DENND4C: variants seen among roughly 807,000 people sequenced by gnomAD.
DENND4C encodes DENN domain-containing protein 4C.
Under a neutral mutation model 203.0 loss-of-function variants are expected in DENND4C, and 108 were observed. The observed-to-expected ratio is 0.53, with a 90% CI of 0.46 to 0.62. The LOEUF is 0.62. Among genes scored for constraint, DENND4C ranks in the 20% least tolerant of loss-of-function variants. The probability of loss-of-function intolerance (pLI) is 0.00; values close to 1 mark genes in which losing one functional copy is unlikely to be tolerated. For missense variants in DENND4C, 2,481 were observed against 2,301.2 expected, an observed-to-expected ratio of 1.08 and a Z score of -1.60; for synonymous variants, 871 against 792.4, an observed-to-expected ratio of 1.10 and a Z score of -1.67.
At chr9:19,321,856 A>G (rs1385237753) in intron 12 of DENND4C, among the ~76,000 whole-genome samples, 3 of 149,628 alleles carry the variant, frequency 2.0e-5, no homozygotes, top group Admixed American at 6.7e-5. Flanking sequence ...AAAAAGAGAA[A>G]TAGCTAATAG....
intron 30 of DENND4C, among the ~76,000 whole-genome samples, chr9:19,363,790 C>T (rs1827028205): frequency 2.0e-5 from 3 of 151,980 alleles, no homozygotes; most frequent in Admixed American, 2.0e-4. Flanking sequence ...GCAGGTGGAT[C>T]ACTTGAGGTC....
At chr9:19,276,572 A>T in intron 2 of DENND4C, 93 bp downstream of exon 2, 1 of 675,046 alleles carries the variant, frequency 1.5e-6, no homozygotes, top group Non-Finnish European at 2.1e-6. Flanking sequence ...TAGTTTTATT[A>T]TTACTGATAG....
chr9:19,257,480 C>T (rs530266873), intron 1 of DENND4C, among the ~76,000 whole-genome samples: 17 of 152,160 alleles, frequency 1.1e-4, no homozygotes, highest in Non-Finnish European at 1.5e-5. Flanking sequence ...TTGACTTCAG[C>T]TTCCACCTTA....
Position 19,372,738 on chromosome 9 carries a change from C to A in DENND4C, c.*565C>A, listed in dbSNP as rs1829046042. On this transcript the variant is annotated 3_prime_UTR_variant, in exon 33 of 33. Transcript: ENST00000434457. ...AAAATACAAAAATTAGCCAGGCGCA[C>A]CACTGTAGTCCCAGCTACTCAGGCT... 6.6e-6 allele frequency: 1 copy of A among 151,662 alleles called. No individual in the cohort carries two copies. Among genetic ancestry groups the A allele is most frequent in the Non-Finnish European group, 1.5e-5 (1 of 68,076 alleles). The allele number at this position is 151,662 out of a possible 1,614,324, so 9.4% of individuals were successfully genotyped here. A position where few individuals can be genotyped will look rare whatever the true frequency, so the allele number is the denominator to read the frequency against.
intron 10 of DENND4C, among the ~76,000 whole-genome samples, chr9:19,307,393 CAAAAA>C (rs753710246): frequency 1.7e-5 from 1 of 58,432 alleles, no homozygotes; most frequent in East Asian, 5.6e-4. Context: ...GACTCTGTCT[CAAAAA>C]AAAAAAAAAA....
chr9:19,269,968 C>G (rs1831292444), intron 1 of DENND4C, among the ~76,000 whole-genome samples: 1 of 152,186 alleles, frequency 6.6e-6, no homozygotes, highest in Non-Finnish European at 1.5e-5. Flanking sequence ...ATAGCCGTAT[C>G]TACATTAGGG....
chr9:19,294,590 T>C (rs1837040268), intron 5 of DENND4C, among the ~76,000 whole-genome samples: 1 of 152,194 alleles, frequency 6.6e-6, no homozygotes, highest in Non-Finnish European at 1.5e-5. Flanking sequence ...TACGCCAATG[T>C]TTGTAGCAGG....
intron 16 of DENND4C, among the ~76,000 whole-genome samples, chr9:19,328,649 G>GTCTATCTA (rs763263623): frequency 1.4e-5 from 2 of 139,986 alleles, no homozygotes; most frequent in African/African-American, 5.8e-5. Flanking sequence ...CTGTCTGTCT[G>GTCTATCTA]TCTGTCTGTC....
intron 1 of DENND4C, among the ~76,000 whole-genome samples, chr9:19,266,494 T>C (rs1230141429): frequency 1.3e-5 from 2 of 152,132 alleles, no homozygotes; most frequent in African/African-American, 4.8e-5. Context: ...TGGCTTTTGT[T>C]GCAAAAAACA....
At chr9:19,315,204 G>A (rs960177416) in intron 10 of DENND4C, among the ~76,000 whole-genome samples, 1 of 151,278 alleles carries the variant, frequency 6.6e-6, no homozygotes, top group East Asian at 1.9e-4. Flanking sequence ...ACTTTCAAGG[G>A]TACCAGTTTT....
intron 10 of DENND4C, among the ~76,000 whole-genome samples, chr9:19,306,899 G>A (rs1002172864): frequency 6.6e-6 from 1 of 151,956 alleles, no homozygotes; most frequent in Non-Finnish European, 1.5e-5. Context: ...TCCTGCCTCA[G>A]CCTTCCGAGT....
intron 5 of DENND4C, among the ~76,000 whole-genome samples, chr9:19,293,778 A>G (rs976206761): frequency 6.6e-6 from 1 of 152,240 alleles, no homozygotes; most frequent in Non-Finnish European, 1.5e-5. Context: ...TGCCACTTAC[A>G]CGGACTGTGG....
chr9:19,255,446 A>G (rs12000715), intron 1 of DENND4C, among the ~76,000 whole-genome samples: 9,772 of 151,880 alleles, frequency 0.064, 593 homozygotes, highest in African/African-American at 0.16. Context: ...CCATCAAAAT[A>G]CTGTTATCTA....
chr9:19,317,796 T>C (rs1668967711), intron 12 of DENND4C, among the ~76,000 whole-genome samples: 1 of 152,192 alleles, frequency 6.6e-6, no homozygotes, highest in African/African-American at 2.4e-5. Flanking sequence ...AGTTTTAATT[T>C]GGAAGTTTTA....
At chr9:19,303,863 G>T (rs1048107058) in intron 9 of DENND4C, among the ~76,000 whole-genome samples, 4 of 150,934 alleles carry the variant, frequency 2.7e-5, no homozygotes, top group Non-Finnish European at 4.4e-5. Context: ...ATTTTTTTTT[G>T]TAAAATTTAT....
intron 1 of DENND4C, among the ~76,000 whole-genome samples, chr9:19,271,496 C>T (rs544130488): frequency 1.3e-4 from 20 of 152,278 alleles, no homozygotes; most frequent in African/African-American, 4.8e-4. Flanking sequence ...GCTACCGCCT[C>T]TGGCCAGTAA....
intron 1 of DENND4C, among the ~76,000 whole-genome samples, chr9:19,256,977 G>A (rs1348398421): frequency 1.3e-5 from 2 of 151,556 alleles, no homozygotes; most frequent in Non-Finnish European, 2.9e-5. Flanking sequence ...GGCTGAGGCA[G>A]GAGAATGGTG....
At chr9:19,311,878 C>A (rs563198294) in intron 10 of DENND4C, among the ~76,000 whole-genome samples, 1 of 152,240 alleles carries the variant, frequency 6.6e-6, no homozygotes, top group South Asian at 2.1e-4. Flanking sequence ...GGATATCTGG[C>A]AACATTTGTC....
At chr9:19,345,003 G>A (rs557969493) in intron 22 of DENND4C, among the ~76,000 whole-genome samples, 3 of 151,998 alleles carry the variant, frequency 2.0e-5, no homozygotes, top group African/African-American at 7.3e-5. Context: ...ATTCATCAGG[G>A]TTCCACTTTC....
Sources: gnomAD v4.1 joint callset for allele counts (sites outside exome capture counted in the v4.1 genomes callset) on GRCh38, gnomAD v4.1.1 for gene constraint, MANE v1.5 for transcripts, NCBI Gene and HGNC (gene_info 2026-07-23, HGNC 2026-07-21) for gene names.